Variants in CAST observed in about 807,000 individuals in gnomAD.
The protein encoded by CAST is calpastatin, also known as MIR583 host.
Under a neutral mutation model 119.6 loss-of-function variants are expected in CAST, and 76 were observed. The observed-to-expected ratio is 0.64, with a 90% confidence interval of 0.53 to 0.77. The LOEUF is 0.77. Among genes scored for constraint, CAST ranks in the 30% least tolerant of loss-of-function variants. The probability of loss-of-function intolerance (pLI) is 0.00; values close to 1 mark genes in which losing one functional copy is unlikely to be tolerated. For missense variants in CAST, 953 were observed against 946.5 expected (o/e 1.01, Z -0.09); for synonymous variants, 319 against 331.6 (o/e 0.96, Z 0.41).
At chr5:96,239,977 T>C in the CAST span, among the ~76,000 whole-genome samples, 4 of 152,156 alleles carry the variant, frequency 2.6e-5, no homozygotes, top group Non-Finnish European at 5.9e-5. Context: ...TTAACCTCAT[T>C]TGACCTTCAA....
the CAST span, among the ~76,000 whole-genome samples, chr5:96,517,040 T>C: frequency 6.6e-6 from 1 of 152,212 alleles, no homozygotes; most frequent in East Asian, 1.9e-4. Flanking sequence ...TACAGTCTCA[T>C]AAGCCAAGAA....
the CAST span, among the ~76,000 whole-genome samples, chr5:96,105,630 G>A: frequency 9.9e-5 from 15 of 152,166 alleles, no homozygotes; most frequent in East Asian, 3.9e-4. Flanking sequence ...TGCTGGATTC[G>A]GTTTGGCAGT....
At position 96,743,477 on chromosome 5, in the gene CAST, A is replaced by G. The variant is rs1305340490; in HGVS notation, c.1200+721A>G. 11 of 1,119,184 alleles carry G rather than the reference A, an allele frequency of 9.8e-6. No individual in the cohort carries two copies. The Admixed American group carries it at 1.7e-4, about 17-fold the overall frequency. The allele number at this position is 1,119,184 out of a possible 1,614,324, so 69.3% of individuals were successfully genotyped here. A position where few individuals can be genotyped will look rare whatever the true frequency, so the allele number is the denominator to read the frequency against. On this transcript the variant is annotated intron_variant, in intron 16 of 31. Coordinates refer to ENST00000675179, the MANE Select transcript of CAST (RefSeq NM_001750.7). The stretch of plus-strand genomic sequence containing the variant: ...CCTGGGATCCCCAGGAGCCCGCCCC[A>G]CCTCCATCAGCTCAGGCTGGGGGTG...
In CAST at chr5:96,736,331, AG is replaced by A. The variant is rs369394594; in HGVS notation, c.699+97del. 1.1e-3 allele frequency: 792 copies of A among 727,210 alleles called. 7 individuals carry two copies. The African/African-American group carries it at 0.013, about 12-fold the overall frequency. The allele number at this position is 727,210 out of a possible 1,614,324, so 45.0% of individuals were successfully genotyped here. On this transcript the variant is annotated intron_variant, in intron 10 of 31. Coordinates refer to ENST00000675179, the MANE Select transcript of CAST (RefSeq NM_001750.7). ...TGATTTCTTGTGGGCAAATAATATGAGGGGGGTAATTTAAAGGACCATTTTA... is the reference window on the plus strand; with the variant it reads ...TGATTTCTTGTGGGCAAATAATATGAGGGGGTAATTTAAAGGACCATTTTA...
the CAST span, among the ~76,000 whole-genome samples, chr5:96,196,359 A>G: frequency 6.6e-6 from 1 of 151,922 alleles, no homozygotes; most frequent in African/African-American, 2.4e-5. Context: ...TTATTTGTTT[A>G]CTTATTCAAC....
intron 9 of CAST, among the ~76,000 whole-genome samples, chr5:96,731,547 A>G (rs1171132465): frequency 7.1e-6 from 1 of 141,696 alleles, no homozygotes; most frequent in Non-Finnish European, 1.5e-5. Context: ...ACATGTGCAC[A>G]TTGTGCAGGT....
rs112896983 is a variant in CAST at position 96,547,972 on chromosome 5, G to A, written c.60+18092G>A. ...ATTCCAATCTACATTCAAAAACTGG[G>A]CAAATAAATACAATGTAAGTCTTTG... is the stretch of plus-strand genomic sequence containing the variant. On this transcript the variant is annotated intron_variant, in intron 1 of 11. Transcript: ENST00000505143. Among the ~76,000 whole-genome samples the A allele has an allele frequency of 9.2e-3, 1,167 of 127,100 alleles. 13 individuals are homozygous for A. Among genetic ancestry groups the A allele is most frequent in the African/African-American group, 0.032 (1,116 of 35,252 alleles). 83.4% of individuals were successfully genotyped at this position (127,100 alleles called of 152,430 possible).
the CAST span, among the ~76,000 whole-genome samples, chr5:96,334,030 C>T: frequency 6.6e-6 from 1 of 152,246 alleles, no homozygotes; most frequent in South Asian, 2.1e-4. Flanking sequence ...TTCATATGCT[C>T]CTCACTATTA....
chr5:96,284,192 T>G, the CAST span, among the ~76,000 whole-genome samples: 1 of 152,194 alleles, frequency 6.6e-6, no homozygotes, highest in African/African-American at 2.4e-5. Context: ...ACAAAAATGT[T>G]TTGGTGTCTC....
At chr5:96,641,454 A>C (rs116689010) in intron 1 of CAST, among the ~76,000 whole-genome samples, 1,636 of 151,210 alleles carry the variant, frequency 0.011, 21 homozygotes, top group African/African-American at 0.038. Flanking sequence ...AATGAAAAAA[A>C]CTCCACTCTT....
the CAST span, among the ~76,000 whole-genome samples, chr5:96,284,216 A>G: frequency 6.6e-6 from 1 of 152,214 alleles, no homozygotes; most frequent in Non-Finnish European, 1.5e-5. Context: ...TGAAGGAGGG[A>G]AAAAAGATCA....
At chr5:96,628,423 A>C (rs1471916853) in intron 1 of CAST, among the ~76,000 whole-genome samples, 1 of 152,238 alleles carries the variant, frequency 6.6e-6, no homozygotes, top group Non-Finnish European at 1.5e-5. Flanking sequence ...TTTATACATG[A>C]CAATAACCCT....
chr5:96,210,296 G>A, the CAST span: 2 of 151,936 alleles, frequency 1.3e-5, no homozygotes, highest in African/African-American at 2.4e-5. Flanking sequence ...AACACAGAAT[G>A]CAAAACAGTT....
the CAST span, among the ~76,000 whole-genome samples, chr5:96,274,443 A>G: frequency 1.3e-5 from 2 of 152,250 alleles, no homozygotes; most frequent in Admixed American, 1.3e-4. Context: ...TCTGTCCAAA[A>G]TTTTACCAAA....
the CAST span, among the ~76,000 whole-genome samples, chr5:95,984,159 T>C: frequency 1.5e-4 from 23 of 152,008 alleles, no homozygotes; most frequent in Admixed American, 1.5e-3. Context: ...AATTATTTGT[T>C]GAATTTATTG....
At chr5:96,308,250 T>C in the CAST span, among the ~76,000 whole-genome samples, 1 of 151,806 alleles carries the variant, frequency 6.6e-6, no homozygotes. Flanking sequence ...AATTCGGCTA[T>C]TGATACCTCT....
At chr5:96,047,981 G>T in the CAST span, among the ~76,000 whole-genome samples, 1 of 152,170 alleles carries the variant, frequency 6.6e-6, no homozygotes, top group East Asian at 1.9e-4. Flanking sequence ...TGATTATAGG[G>T]AATATAGAAC....
chr5:96,179,025 C>T, the CAST span, among the ~76,000 whole-genome samples: 33 of 152,280 alleles, frequency 2.2e-4, no homozygotes, highest in East Asian at 7.7e-4. Context: ...CAATCAGTCA[C>T]GAAGACCTGT....
chr5:96,345,578 C>T, the CAST span, among the ~76,000 whole-genome samples: 1 of 152,134 alleles, frequency 6.6e-6, no homozygotes, highest in Non-Finnish European at 1.5e-5. Context: ...GTAAAATTCA[C>T]TTTTTTGGGT....
Sources: gnomAD v4.1 joint callset for allele counts (sites outside exome capture counted in the v4.1 genomes callset) on GRCh38, gnomAD v4.1.1 for gene constraint, MANE v1.5 for transcripts, NCBI Gene and HGNC (gene_info 2026-07-23, HGNC 2026-07-21) for gene names.